ARMC8: variants seen among roughly 807,000 people sequenced by gnomAD.
ARMC8 encodes armadillo repeat containing 8, also known as armadillo repeat-containing protein 8.
ARMC8 carries 20 observed loss-of-function variants against 99.3 expected under a neutral mutation model. The ratio of observed to expected loss-of-function variants is 0.20; its 90% CI spans 0.14 to 0.29. The LOEUF is 0.29. Ranked by LOEUF, ARMC8 falls within the 10% of genes least tolerant of loss-of-function variation. The pLI is 1.00. For synonymous variants in ARMC8, 263 were observed against 278.3 expected (o/e 0.95, Z 0.55); for missense variants, 569 against 809.5 (o/e 0.70, Z 3.60).
At chr3:138,215,868 TG>T (rs756215183) in intron 2 of ARMC8, among the ~76,000 whole-genome samples, 16 of 151,820 alleles carry the variant, frequency 1.1e-4, no homozygotes, top group South Asian at 4.2e-4. Flanking sequence ...ATTTATTTAT[TG>T]TTTTTTTTTG....
Position 138,297,128 on chromosome 3 carries a change from A to G in ARMC8, c.*1236A>G, listed in dbSNP as rs2051557979. 1 of 152,188 alleles carries G rather than the reference A, an allele frequency of 6.6e-6. No homozygotes were observed. The highest frequency in any genetic ancestry group is 1.5e-5 in the Non-Finnish European group (1 of 68,034). 9.4% of individuals were successfully genotyped at this position (152,188 alleles called of 1,614,324 possible). A position where few individuals can be genotyped will look rare whatever the true frequency, so the allele number is the denominator to read the frequency against. On this transcript the variant is annotated 3_prime_UTR_variant, in exon 22 of 22. Coordinates refer to ENST00000469044, the MANE Select transcript of ARMC8 (RefSeq NM_001363941.2). The stretch of plus-strand genomic sequence containing the variant: ...ACTGCTAGTTGGTATGCTTTTGTAA[A>G]ACGAGATTGAAATTTAATAAAAGAT...
At chr3:138,259,068 G>A (rs1453346371) in intron 12 of ARMC8, among the ~76,000 whole-genome samples, 1 of 152,186 alleles carries the variant, frequency 6.6e-6, no homozygotes, top group African/African-American at 2.4e-5. Context: ...CTTACATCCT[G>A]GAAGGACCTA....
chr3:138,211,150 A>G (rs1043241782), intron 2 of ARMC8, among the ~76,000 whole-genome samples: 1 of 152,194 alleles, frequency 6.6e-6, no homozygotes, highest in Admixed American at 6.5e-5. Context: ...GTACCTACAC[A>G]CACAAGTTCG....
At chr3:138,258,902 T>G (rs1310907950) in intron 12 of ARMC8, among the ~76,000 whole-genome samples, 1 of 152,244 alleles carries the variant, frequency 6.6e-6, no homozygotes, top group East Asian at 1.9e-4. Context: ...CCCTTCTGGC[T>G]GGGCACAGTG....
intron 11 of ARMC8, 83 bp from the exon 12 acceptor site, chr3:138,245,005 C>CTT: frequency 6.7e-7 from 1 of 1,488,010 alleles, no homozygotes; most frequent in Non-Finnish European, 9.1e-7. Context: ...AAGTTGTAAA[C>CTT]TTTTTTTTTC....
At chr3:138,288,852 A>T (rs1253616660) in intron 19 of ARMC8, among the ~76,000 whole-genome samples, 196 bp from the exon 20 acceptor site, 3 of 151,820 alleles carry the variant, frequency 2.0e-5, no homozygotes, top group African/African-American at 7.3e-5. Flanking sequence ...TAATCATCCT[A>T]GTCTCGAACA....
chr3:138,265,259 C>T (rs546675628), intron 14 of ARMC8, among the ~76,000 whole-genome samples: 1 of 151,892 alleles, frequency 6.6e-6, no homozygotes, highest in South Asian at 2.1e-4. Flanking sequence ...CCCTTTTGTC[C>T]CCCCCAAAAA....
At chr3:138,231,377 A>G (rs1455921973) in intron 6 of ARMC8, among the ~76,000 whole-genome samples, 1 of 152,204 alleles carries the variant, frequency 6.6e-6, no homozygotes, top group Non-Finnish European at 1.5e-5. Flanking sequence ...AAAACTTAAA[A>G]TTACTAATTT....
intron 15 of ARMC8, 68 bp downstream of exon 15, chr3:138,267,309 A>G (rs965129688): frequency 2.3e-5 from 22 of 939,600 alleles, no homozygotes; most frequent in Middle Eastern, 2.5e-4. Flanking sequence ...TACTTTTTAT[A>G]GTAGTTGACA....
chr3:138,221,666 C>T (rs1380741371), intron 2 of ARMC8, among the ~76,000 whole-genome samples: 1 of 151,998 alleles, frequency 6.6e-6, no homozygotes, highest in African/African-American at 2.4e-5. Flanking sequence ...TTGGTAGGTA[C>T]CCTTTCTAGA....
At chr3:138,245,486 A>G in intron 12 of ARMC8, 1 of 1,281,294 alleles carries the variant, frequency 7.8e-7, no homozygotes, top group Admixed American at 3.7e-5. Flanking sequence ...AATCAATTCT[A>G]GCACTGTGAA....
At chr3:138,288,953 G>C in intron 19 of ARMC8, 95 bp from the exon 20 acceptor site, 2 of 990,890 alleles carry the variant, frequency 2.0e-6, no homozygotes, top group Non-Finnish European at 3.1e-6. Context: ...CAGACTTTTA[G>C]GTTATAGGAA....
rs143914613 is a variant in ARMC8 at position 138,288,442 on chromosome 3, G to A, written c.1822-606G>A. 1.9e-3 allele frequency among the ~76,000 whole-genome samples: 296 copies of A among 152,258 alleles called. 1 individual carries two copies. The highest frequency in any genetic ancestry group is 6.7e-3 in the African/African-American group (280 of 41,550). On this transcript the variant is annotated intron_variant, in intron 19 of 21. Transcript: ENST00000469044. ...TCATAAATTGCAAACTGTACCCATA[G>A]CCCTAGAGGTGTTTTGTTTGTCCAG...
intron 2 of ARMC8, among the ~76,000 whole-genome samples, chr3:138,218,484 A>G (rs1468552335): frequency 1.3e-5 from 2 of 151,950 alleles, no homozygotes; most frequent in Non-Finnish European, 2.9e-5. Flanking sequence ...TGCCATTTTC[A>G]TTTCCAATAT....
intron 1 of ARMC8, among the ~76,000 whole-genome samples, chr3:138,209,137 TTTGTCC>T (rs2044555811): frequency 1.3e-5 from 2 of 152,254 alleles, no homozygotes; most frequent in Admixed American, 1.3e-4. Context: ...AGAGCCAGAT[TTTGTCC>T]TTTTGTGTAT....
At chr3:138,217,763 A>T (rs577873750) in intron 2 of ARMC8, among the ~76,000 whole-genome samples, 1 of 105,422 alleles carries the variant, frequency 9.5e-6, no homozygotes, top group East Asian at 2.4e-4. Context: ...CCCAAGGCTT[A>T]CTTATTCTTA....
chr3:138,204,874 CA>C (rs2044273454), intron 1 of ARMC8, among the ~76,000 whole-genome samples: 1 of 151,974 alleles, frequency 6.6e-6, no homozygotes, highest in Non-Finnish European at 1.5e-5. Flanking sequence ...GTCTAGCCCA[CA>C]ACTTTTTCCT....
chr3:138,196,749 C>G (rs1477115246), intron 1 of ARMC8, among the ~76,000 whole-genome samples: 1 of 152,076 alleles, frequency 6.6e-6, no homozygotes, highest in Non-Finnish European at 1.5e-5. Context: ...CACCTGTAAT[C>G]CCAGCTACTT....
intron 15 of ARMC8, among the ~76,000 whole-genome samples, chr3:138,268,337 A>G (rs2048469653): frequency 6.6e-6 from 1 of 152,222 alleles, no homozygotes; most frequent in South Asian, 2.1e-4. Context: ...ACTGGTAGTT[A>G]CCCTGATGGA....
Sources: gnomAD v4.1 joint callset for allele counts (sites outside exome capture counted in the v4.1 genomes callset) on GRCh38, gnomAD v4.1.1 for gene constraint, MANE v1.5 for transcripts, NCBI Gene and HGNC (gene_info 2026-07-23, HGNC 2026-07-21) for gene names.